The following TAF4 variants were observed in gnomAD, a reference collection of about 807,000 sequenced individuals.
TAF4 encodes transcription initiation factor TFIID subunit 4.
Under a neutral mutation model 90.3 loss-of-function variants are expected in TAF4, and 9 were observed. The observed-to-expected ratio is 0.10, with a 90% CI of 0.06 to 0.17. TAF4 has a LOEUF of 0.17. TAF4 is among the 10% of genes least tolerant of loss of function. The probability of loss-of-function intolerance (pLI) is 1.00; values close to 1 mark genes in which losing one functional copy is unlikely to be tolerated. For synonymous variants in TAF4, 818 were observed against 638.9 expected, an observed-to-expected ratio of 1.28 and a Z score of -4.23; for missense variants, 1,351 against 1,370.7, an observed-to-expected ratio of 0.99 and a Z score of 0.23.
At chr20:62,022,090 A>C (rs1374993573) in intron 1 of TAF4, among the ~76,000 whole-genome samples, 1 of 152,066 alleles carries the variant, frequency 6.6e-6, no homozygotes, top group Non-Finnish European at 1.5e-5. Context: ...CACAAATCTA[A>C]GAAAATCCCT....
intron 11 of TAF4, among the ~76,000 whole-genome samples, chr20:61,999,762 A>G (rs1166907801): frequency 1.3e-5 from 2 of 152,214 alleles, no homozygotes; most frequent in Non-Finnish European, 2.9e-5. Flanking sequence ...CCTGGGCTAC[A>G]TCGCGAGTCC....
intron 1 of TAF4, among the ~76,000 whole-genome samples, chr20:62,024,071 C>A (rs2055860910): frequency 6.6e-6 from 1 of 152,006 alleles, no homozygotes; most frequent in Non-Finnish European, 1.5e-5. Flanking sequence ...CAGTGAGATC[C>A]CCGTCTAAAA....
At chr20:62,045,450 C>T (rs557575146) in intron 1 of TAF4, among the ~76,000 whole-genome samples, 23 of 152,208 alleles carry the variant, frequency 1.5e-4, no homozygotes, top group Non-Finnish European at 2.2e-4. Context: ...AATCCCTGCA[C>T]GTGCAAGCAC....
chr20:61,983,573 G>A (rs2055563820), intron 14 of TAF4, among the ~76,000 whole-genome samples: 1 of 152,148 alleles, frequency 6.6e-6, no homozygotes, highest in African/African-American at 2.4e-5. Context: ...TGAGGCAGGA[G>A]GATCCTTCTT....
chr20:61,995,459 A>G (rs772607035), intron 14 of TAF4, among the ~76,000 whole-genome samples: 1 of 152,204 alleles, frequency 6.6e-6, no homozygotes, highest in African/African-American at 2.4e-5. Flanking sequence ...AAACAAAGAG[A>G]AGACAGACTG....
chr20:62,003,097 C>CGGACTCT, intron 9 of TAF4, 63 bp downstream of exon 9: 2 of 1,436,458 alleles, frequency 1.4e-6, no homozygotes, highest in Middle Eastern at 1.8e-4. Flanking sequence ...TGGAGCAGCA[C>CGGACTCT]GGACTCTGGA....
intron 1 of TAF4, among the ~76,000 whole-genome samples, 153 bp from the exon 2 acceptor site, chr20:62,014,860 G>A (rs951709424): frequency 2.0e-5 from 3 of 152,196 alleles, no homozygotes; most frequent in African/African-American, 7.2e-5. Flanking sequence ...AAACACACTT[G>A]TGAGTCAAGA....
At chr20:62,036,395 T>C (rs531155050) in intron 1 of TAF4, among the ~76,000 whole-genome samples, 9 of 152,304 alleles carry the variant, frequency 5.9e-5, no homozygotes, top group Middle Eastern at 3.4e-3. Flanking sequence ...ATTCGAGGAA[T>C]TGAAAAGTCT....
At chr20:61,990,108 G>C (rs2123109825) in intron 14 of TAF4, among the ~76,000 whole-genome samples, 1 of 152,324 alleles carries the variant, frequency 6.6e-6, no homozygotes, top group South Asian at 2.1e-4. Context: ...ACCTGACCAG[G>C]AGGGCTGCCT....
intron 4 of TAF4, among the ~76,000 whole-genome samples, chr20:62,009,660 T>C (rs1159929124): frequency 6.6e-6 from 1 of 152,246 alleles, no homozygotes; most frequent in Non-Finnish European, 1.5e-5. Context: ...GCTGCTGTTT[T>C]ACACACTGAA....
rs561264365 is a variant in TAF4, at chr20:61,999,097, T to C, written c.2799A>G (p.Arg933=). The change falls in exon 12 of 15, where the codon AGA becomes AGG. Residue 933 remains arginine (R), a synonymous_variant. Transcript: ENST00000252996. ...CCCGGACGTCACTCGCCTGCTCATA[T>C]CTGTCGTCATCCTATGAAGAAAGTT... ...QKNFSYKDDD[R]YEQASDVRAQ... is the part of the protein sequence containing the mutation. 187 of 1,613,930 alleles carry C rather than the reference T, an allele frequency of 1.2e-4. No individual in the cohort carries two copies. Among genetic ancestry groups the C allele is most frequent in the Middle Eastern group, 6.6e-4 (4 of 6,082 alleles).
At chr20:62,008,958 A>G in intron 5 of TAF4, 94 bp downstream of exon 5, 1 of 1,488,004 alleles carries the variant, frequency 6.7e-7, no homozygotes. Flanking sequence ...CCCTGCTGGC[A>G]CAGGCCTCCC....
At chr20:62,040,273 T>C (rs1420611837) in intron 1 of TAF4, among the ~76,000 whole-genome samples, 1 of 152,250 alleles carries the variant, frequency 6.6e-6, no homozygotes, top group African/African-American at 2.4e-5. Flanking sequence ...CACACCAGGA[T>C]GCTGCTCAGC....
At chr20:62,017,865 T>C (rs2055821347) in intron 1 of TAF4, among the ~76,000 whole-genome samples, 1 of 151,408 alleles carries the variant, frequency 6.6e-6, no homozygotes, top group African/African-American at 2.4e-5. Context: ...TATCCAGATA[T>C]ATTTAAAGGA....
At chr20:61,994,976 C>T (rs2055654510) in intron 14 of TAF4, among the ~76,000 whole-genome samples, 2 of 152,186 alleles carry the variant, frequency 1.3e-5, no homozygotes, top group Non-Finnish European at 2.9e-5. Context: ...ACAGGAAAGA[C>T]AGAGTTTGCA....
chr20:62,056,596 C>T (rs982593707), intron 1 of TAF4, among the ~76,000 whole-genome samples: 16 of 152,174 alleles, frequency 1.1e-4, no homozygotes, highest in African/African-American at 3.1e-4. Context: ...CCACCGAGGG[C>T]CAAGGGAAAG....
chr20:62,064,071 A>T (rs1234263308), intron 1 of TAF4, among the ~76,000 whole-genome samples: 1 of 152,136 alleles, frequency 6.6e-6, no homozygotes, highest in Non-Finnish European at 1.5e-5. Context: ...AGCTCTGCAG[A>T]CCCCATCGCC....
intron 1 of TAF4, among the ~76,000 whole-genome samples, chr20:62,021,111 G>A (rs977272837): frequency 5.3e-5 from 8 of 152,056 alleles, no homozygotes; most frequent in African/African-American, 1.9e-4. Context: ...CAGCACCTTC[G>A]AAACCCCCCG....
At chr20:62,002,515 G>A (rs1429622554) in intron 9 of TAF4, among the ~76,000 whole-genome samples, 1 of 152,164 alleles carries the variant, frequency 6.6e-6, no homozygotes, top group Non-Finnish European at 1.5e-5. Flanking sequence ...TCTAGAAACA[G>A]GGCCTCACTC....
Sources: gnomAD v4.1 joint callset for allele counts (sites outside exome capture counted in the v4.1 genomes callset) on GRCh38, gnomAD v4.1.1 for gene constraint, MANE v1.5 for transcripts, NCBI Gene and HGNC (gene_info 2026-07-23, HGNC 2026-07-21) for gene names.